The following SGCZ variants were observed in gnomAD, a reference collection of about 807,000 sequenced individuals.
The protein encoded by SGCZ is sarcoglycan zeta, also known as zeta-sarcoglycan.
In SGCZ, 40 loss-of-function variants were observed where a neutral mutation model predicts 41.3. The ratio of observed to expected loss-of-function variants is 0.97; its 90% CI spans 0.75 to 1.26. The LOEUF (loss-of-function observed/expected upper bound fraction) is 1.26, where lower values mean the gene tolerates loss of function less well. SGCZ is among the 50% of genes most tolerant of loss of function. SGCZ has a pLI of 0.00. For missense variants in SGCZ, 552 were observed against 369.8 expected, an observed-to-expected ratio of 1.49 and a Z score of -4.04; for synonymous variants, 206 against 137.5, an observed-to-expected ratio of 1.50 and a Z score of -3.49.
intron 1 of SGCZ, among the ~76,000 whole-genome samples, chr8:15,198,525 A>G (rs1421159787): frequency 2.0e-5 from 3 of 152,210 alleles, no homozygotes; most frequent in South Asian, 2.1e-4. Flanking sequence ...TTCATGTACA[A>G]TCTTGTGAAA....
intron 1 of SGCZ, among the ~76,000 whole-genome samples, chr8:15,044,587 T>C (rs1000184590): frequency 6.6e-6 from 1 of 152,098 alleles, no homozygotes; most frequent in Non-Finnish European, 1.5e-5. Context: ...TTTATTAGGA[T>C]TGTGTAAGAT....
At chr8:14,198,147 C>T (rs1374164808) in intron 4 of SGCZ, among the ~76,000 whole-genome samples, 4 of 152,166 alleles carry the variant, frequency 2.6e-5, no homozygotes, top group Non-Finnish European at 5.9e-5. Context: ...TTCTGAGTAG[C>T]ATGATGAAAT....
At chr8:14,489,875 T>TTTTTTTTTC (rs1212826873) in intron 2 of SGCZ, among the ~76,000 whole-genome samples, 1 of 145,980 alleles carries the variant, frequency 6.9e-6, no homozygotes, top group Non-Finnish European at 1.5e-5. Flanking sequence ...ACCTTTTTTT[T>TTTTTTTTTC]TTTTTTCCTG....
intron 4 of SGCZ, among the ~76,000 whole-genome samples, chr8:14,188,254 A>G (rs1180141002): frequency 6.6e-6 from 1 of 152,206 alleles, no homozygotes; most frequent in African/African-American, 2.4e-5. Context: ...GAACCTAGTA[A>G]AGAGAGTTAT....
chr8:14,666,964 T>C (rs915189199), intron 1 of SGCZ, among the ~76,000 whole-genome samples: 1 of 152,044 alleles, frequency 6.6e-6, no homozygotes, highest in Non-Finnish European at 1.5e-5. Flanking sequence ...CACACAAATA[T>C]ATATATTTAT....
intron 2 of SGCZ, among the ~76,000 whole-genome samples, chr8:14,542,021 C>G (rs1803485229): frequency 6.6e-6 from 1 of 151,964 alleles, no homozygotes; most frequent in Admixed American, 6.6e-5. Context: ...CTTGTAGATT[C>G]TGGATATTAG....
chr8:14,253,253 T>TGA (rs146199475), intron 3 of SGCZ, among the ~76,000 whole-genome samples: 3 of 151,542 alleles, frequency 2.0e-5, no homozygotes, highest in African/African-American at 4.9e-5. Flanking sequence ...GGTGTGTGTG[T>TGA]GTGTGTGTGT....
chr8:14,811,846 T>C (rs901639035), intron 1 of SGCZ, among the ~76,000 whole-genome samples: 1 of 152,070 alleles, frequency 6.6e-6, no homozygotes, highest in Non-Finnish European at 1.5e-5. Context: ...ACTGAATGTT[T>C]TTAGTGGAAC....
At position 14,552,656 on chromosome 8, in the gene SGCZ, C is replaced by G. The variant is rs1014356210; in HGVS notation, c.234+2076G>C. 2.6e-5 allele frequency among the ~76,000 whole-genome samples: 4 copies of G among 152,146 alleles called. No individual in the cohort carries two copies. In the East Asian group the frequency reaches 7.8e-4, roughly 30 times the overall value. On this transcript the variant is annotated intron_variant, in intron 2 of 7. Transcript: ENST00000382080. ...TCAAATTAAAGAGCTCCATGGGTGA[C>G]AGGAACCCTGAGGCCCATGAGGATC... is the stretch of plus-strand genomic sequence containing the variant.
Position 15,173,204 on chromosome 8 carries a change from A to C in SGCZ, c.39+64381T>G, listed in dbSNP as rs564267050. On this transcript the variant is annotated intron_variant, in intron 1 of 7. Coordinates refer to ENST00000382080, the MANE Select transcript of SGCZ (RefSeq NM_139167.4). ...TTTTTTAAAATGTATTGTAATAAAA[A>C]ACATATAACATGGAATTTACCATCT... Among the ~76,000 whole-genome samples, 120 of 152,348 alleles carry C rather than the reference A, an allele frequency of 7.9e-4. 1 individual carries two copies. Among genetic ancestry groups the C allele is most frequent in the African/African-American group, 2.8e-3 (118 of 41,572 alleles).
intron 1 of SGCZ, among the ~76,000 whole-genome samples, chr8:15,106,375 C>G (rs1806825398): frequency 6.6e-6 from 1 of 152,012 alleles, no homozygotes; most frequent in Non-Finnish European, 1.5e-5. Flanking sequence ...CACTTTATTT[C>G]TACATATGAA....
chr8:14,457,059 T>C (rs2116941128), intron 2 of SGCZ, among the ~76,000 whole-genome samples: 1 of 152,358 alleles, frequency 6.6e-6, no homozygotes, highest in Non-Finnish European at 1.5e-5. Flanking sequence ...GAACACGAGC[T>C]GTTCCAGTAT....
intron 2 of SGCZ, among the ~76,000 whole-genome samples, chr8:14,423,810 C>T (rs756097468): frequency 3.3e-5 from 5 of 152,088 alleles, no homozygotes; most frequent in African/African-American, 9.7e-5. Context: ...ACCACTCTCC[C>T]TCTCTCATTT....
intron 2 of SGCZ, among the ~76,000 whole-genome samples, chr8:14,340,406 G>C (rs895655539): frequency 3.3e-5 from 5 of 152,000 alleles, no homozygotes; most frequent in Admixed American, 3.3e-4. Flanking sequence ...CATCTTCTTT[G>C]CTTCTATAAC....
intron 2 of SGCZ, among the ~76,000 whole-genome samples, chr8:14,372,651 G>A (rs112839435): frequency 0.02 from 3,039 of 152,216 alleles, 82 homozygotes; most frequent in African/African-American, 0.056. Flanking sequence ...TAACTGAAGA[G>A]GGCAAGGGAG....
intron 1 of SGCZ, among the ~76,000 whole-genome samples, chr8:14,868,171 T>C (rs1306115005): frequency 2.0e-5 from 3 of 152,106 alleles, no homozygotes; most frequent in Non-Finnish European, 4.4e-5. Flanking sequence ...AAATCAACTC[T>C]GTGTGAAGAT....
At chr8:14,548,821 C>A (rs1199162942) in intron 2 of SGCZ, among the ~76,000 whole-genome samples, 2 of 152,068 alleles carry the variant, frequency 1.3e-5, no homozygotes, top group Non-Finnish European at 2.9e-5. Flanking sequence ...ATTGGGTCAA[C>A]AATTTTCTCA....
At chr8:15,019,493 G>T (rs139952322) in intron 1 of SGCZ, among the ~76,000 whole-genome samples, 2 of 152,030 alleles carry the variant, frequency 1.3e-5, no homozygotes, top group Non-Finnish European at 2.9e-5. Flanking sequence ...TCCTTTCTGT[G>T]GGGTGGTTTG....
intron 2 of SGCZ, among the ~76,000 whole-genome samples, chr8:14,387,849 G>C (rs1804629655): frequency 6.6e-6 from 1 of 151,908 alleles, no homozygotes; most frequent in African/African-American, 2.4e-5. Flanking sequence ...TTAACACAAA[G>C]ATCATTCTAG....
Sources: gnomAD v4.1 joint callset for allele counts (sites outside exome capture counted in the v4.1 genomes callset) on GRCh38, gnomAD v4.1.1 for gene constraint, MANE v1.5 for transcripts, NCBI Gene and HGNC (gene_info 2026-07-23, HGNC 2026-07-21) for gene names.